RHOBTB1: variants seen among roughly 807,000 people sequenced by gnomAD.
The protein encoded by RHOBTB1 is rho-related BTB domain-containing protein 1.
A neutral mutation model predicts 71.6 loss-of-function variants in RHOBTB1; 40 were observed. That is an observed-to-expected ratio of 0.56 (90% confidence interval 0.43 to 0.73). The LOEUF is 0.73. Among genes scored for constraint, RHOBTB1 ranks in the 30% least tolerant of loss-of-function variants. The probability of loss-of-function intolerance (pLI) is 0.00; values close to 1 mark genes in which losing one functional copy is unlikely to be tolerated. For missense variants in RHOBTB1, 797 were observed against 894.0 expected (o/e 0.89, Z 1.38); for synonymous variants, 319 against 334.9 (o/e 0.95, Z 0.52).
intron 4 of RHOBTB1, among the ~76,000 whole-genome samples, chr10:60,905,616 G>T (rs559217800): frequency 6.6e-6 from 1 of 152,056 alleles, no homozygotes; most frequent in Non-Finnish European, 1.5e-5. Context: ...GTCTTTTTAA[G>T]ATTATTATTA....
intron 2 of RHOBTB1, among the ~76,000 whole-genome samples, chr10:60,914,468 T>A (rs922076977): frequency 1.3e-4 from 20 of 152,078 alleles, no homozygotes; most frequent in African/African-American, 3.9e-4. Context: ...GGTGAATTTT[T>A]TTTATTTATT....
At chr10:60,904,947 G>A (rs2082590047) in intron 4 of RHOBTB1, among the ~76,000 whole-genome samples, 1 of 152,030 alleles carries the variant, frequency 6.6e-6, no homozygotes, top group African/African-American at 2.4e-5. Flanking sequence ...AAGACCTCTT[G>A]GTACCATATA....
intron 2 of RHOBTB1, among the ~76,000 whole-genome samples, chr10:60,977,191 T>A (rs1206079650): frequency 1.3e-5 from 2 of 152,060 alleles, no homozygotes; most frequent in Admixed American, 6.6e-5. Flanking sequence ...ATTAGAAGTG[T>A]ATTAGCTGAG....
At chr10:60,963,494 A>T (rs1368457464) in intron 2 of RHOBTB1, among the ~76,000 whole-genome samples, 3 of 152,166 alleles carry the variant, frequency 2.0e-5, no homozygotes, top group Non-Finnish European at 2.9e-5. Flanking sequence ...AAATATTTAG[A>T]CAGCAACATT....
At chr10:60,931,512 C>T (rs1565030332) in intron 2 of RHOBTB1, among the ~76,000 whole-genome samples, 1 of 152,126 alleles carries the variant, frequency 6.6e-6, no homozygotes, top group African/African-American at 2.4e-5. Flanking sequence ...CCTTTCACTA[C>T]TCCATTACTT....
intron 7 of RHOBTB1, among the ~76,000 whole-genome samples, chr10:60,882,840 A>T (rs1305611577): frequency 6.6e-6 from 1 of 152,216 alleles, no homozygotes; most frequent in Non-Finnish European, 1.5e-5. Flanking sequence ...TTCCGGGGAC[A>T]AATACCCTTA....
upstream of RHOBTB1, among the ~76,000 whole-genome samples, chr10:60,944,749 C>CT (rs2134299852): frequency 6.6e-6 from 1 of 152,334 alleles, no homozygotes; most frequent in African/African-American, 2.4e-5. Context: ...CAGCTGCTGA[C>CT]TAAGGGCTGC....
chr10:60,914,498 T>A (rs1243018502), intron 2 of RHOBTB1, among the ~76,000 whole-genome samples: 3 of 152,152 alleles, frequency 2.0e-5, no homozygotes, highest in African/African-American at 7.2e-5. Context: ...TAGATAAATG[T>A]CATATAGAGC....
At chr10:60,911,263 T>A (rs1589271924) in intron 3 of RHOBTB1, 88 bp downstream of exon 3, 1 of 1,297,298 alleles carries the variant, frequency 7.7e-7, no homozygotes, top group East Asian at 2.5e-5. Flanking sequence ...AATGTGTAAT[T>A]TATCCACGCT....
chr10:60,907,637 G>A (rs2082744658), intron 4 of RHOBTB1, among the ~76,000 whole-genome samples: 1 of 152,196 alleles, frequency 6.6e-6, no homozygotes, highest in Non-Finnish European at 1.5e-5. Flanking sequence ...GAATAGAAGG[G>A]CTCCTATCAA....
intron 2 of RHOBTB1, among the ~76,000 whole-genome samples, chr10:60,966,191 A>C (rs181262419): frequency 7.9e-5 from 12 of 152,152 alleles, no homozygotes; most frequent in Admixed American, 5.2e-4. Context: ...TTTTAATATT[A>C]GTTTTCTCTG....
chr10:60,872,744 G>A (rs2080859886), intron 9 of RHOBTB1, among the ~76,000 whole-genome samples: 1 of 152,198 alleles, frequency 6.6e-6, no homozygotes, highest in Non-Finnish European at 1.5e-5. Context: ...TGCAGAATGT[G>A]TGACTGTCCT....
chr10:60,997,950 T>C (rs1032502708), intron 1 of RHOBTB1, among the ~76,000 whole-genome samples: 1 of 152,226 alleles, frequency 6.6e-6, no homozygotes, highest in African/African-American at 2.4e-5. Context: ...TTAGGTTCTA[T>C]AGCTTATGGT....
intron 1 of RHOBTB1, 92 bp from the exon 2 acceptor site, chr10:60,941,946 T>C (rs571108363): frequency 6.6e-6 from 1 of 152,228 alleles, no homozygotes; most frequent in South Asian, 2.1e-4. Flanking sequence ...TTGTTTTCTC[T>C]TTTTCCCCCG....
At chr10:60,865,100 CAT>C (rs1338295656), downstream of RHOBTB1, among the ~76,000 whole-genome samples, 10 of 152,118 alleles carry the variant, frequency 6.6e-5, no homozygotes, top group Admixed American at 6.5e-4. Flanking sequence ...AGAGAGAAAA[CAT>C]AGTGATTTCA....
intron 2 of RHOBTB1, among the ~76,000 whole-genome samples, chr10:60,916,482 C>T (rs1398440444): frequency 6.6e-6 from 1 of 152,156 alleles, no homozygotes; most frequent in East Asian, 1.9e-4. Context: ...TTTTAAGCCA[C>T]CAAGTTTTGG....
intron 2 of RHOBTB1, among the ~76,000 whole-genome samples, chr10:60,915,632 G>A (rs1311411163): frequency 6.6e-6 from 1 of 152,218 alleles, no homozygotes; most frequent in Non-Finnish European, 1.5e-5. Flanking sequence ...AAACAAGACA[G>A]TGCAGGTGGG....
intron 2 of RHOBTB1, among the ~76,000 whole-genome samples, chr10:60,956,607 T>C (rs1447319314): frequency 1.3e-5 from 2 of 152,134 alleles, no homozygotes; most frequent in African/African-American, 4.8e-5. Flanking sequence ...ATCCTTATTG[T>C]ATAAGTTTTA....
intron 4 of RHOBTB1, among the ~76,000 whole-genome samples, chr10:60,904,403 T>C (rs1162913794): frequency 6.6e-6 from 1 of 152,214 alleles, no homozygotes; most frequent in Non-Finnish European, 1.5e-5. Context: ...AAAATTTCCT[T>C]ATGTTCCTTT....
Sources: allele counts gnomAD v4.1 joint callset (sites outside exome capture counted in the v4.1 genomes callset), GRCh38; gene constraint gnomAD v4.1.1; transcripts MANE v1.5; gene names NCBI Gene and HGNC (gene_info 2026-07-23, HGNC 2026-07-21).